UNC5D: variants seen among roughly 807,000 people sequenced by gnomAD.
The protein encoded by UNC5D is unc-5 netrin receptor D, also known as netrin receptor UNC5D.
Under a neutral mutation model 105.4 loss-of-function variants are expected in UNC5D, and 39 were observed. That is an observed-to-expected ratio of 0.37 (90% CI 0.29 to 0.48). The LOEUF (loss-of-function observed/expected upper bound fraction) is 0.48, where lower values mean the gene tolerates loss of function less well. Ranked by LOEUF, UNC5D falls within the 20% of genes least tolerant of loss-of-function variation. The pLI, the probability that UNC5D is intolerant of heterozygous loss-of-function variation, is 0.98. For synonymous variants in UNC5D, 452 were observed against 450.4 expected (o/e 1.00, Z -0.04); for missense variants, 991 against 1,202.4 (o/e 0.82, Z 2.60).
chr8:35,251,836 T>C (rs1407737377), intron 1 of UNC5D, among the ~76,000 whole-genome samples: 1 of 152,136 alleles, frequency 6.6e-6, no homozygotes, highest in Non-Finnish European at 1.5e-5. Context: ...CTGAAGGATG[T>C]AGGCCTGGTA....
chr8:35,561,573 C>T (rs1816968176), intron 2 of UNC5D, among the ~76,000 whole-genome samples: 1 of 152,060 alleles, frequency 6.6e-6, no homozygotes, highest in Non-Finnish European at 1.5e-5. Flanking sequence ...TAAATCATAG[C>T]AAGTTTTGTG....
chr8:35,483,690 A>G (rs928506508), intron 1 of UNC5D, among the ~76,000 whole-genome samples: 8 of 152,318 alleles, frequency 5.3e-5, no homozygotes, highest in East Asian at 1.9e-4. Context: ...ATTATAACAG[A>G]TAAGTGTCAA....
At chr8:35,781,256 C>CGTCT (rs1802489422) in intron 16 of UNC5D, among the ~76,000 whole-genome samples, 1 of 152,182 alleles carries the variant, frequency 6.6e-6, no homozygotes, top group Admixed American at 6.5e-5. Context: ...TGAACATAGA[C>CGTCT]AGCTCTGGGA....
At chr8:35,564,600 A>G (rs1399489600) in intron 2 of UNC5D, among the ~76,000 whole-genome samples, 1 of 152,188 alleles carries the variant, frequency 6.6e-6, no homozygotes, top group East Asian at 1.9e-4. Context: ...GTCCTAACAA[A>G]CAAATAAATT....
chr8:35,507,603 G>C (rs895043585), intron 1 of UNC5D, among the ~76,000 whole-genome samples: 1 of 151,990 alleles, frequency 6.6e-6, no homozygotes, highest in Non-Finnish European at 1.5e-5. Flanking sequence ...CCAAAGGCTG[G>C]GAAGAGTAGT....
chr8:35,412,342 A>T (rs995343207), intron 1 of UNC5D, among the ~76,000 whole-genome samples: 1 of 152,084 alleles, frequency 6.6e-6, no homozygotes, highest in African/African-American at 2.4e-5. Context: ...TCTTATGCTA[A>T]AAATGTAAGC....
At chr8:35,633,630 C>T (rs1229671930) in intron 4 of UNC5D, among the ~76,000 whole-genome samples, 1 of 152,096 alleles carries the variant, frequency 6.6e-6, no homozygotes, top group African/African-American at 2.4e-5. Flanking sequence ...TGGCACATGC[C>T]TGTAATCCTA....
chr8:35,601,246 T>C (rs1819861717), intron 4 of UNC5D, among the ~76,000 whole-genome samples: 1 of 152,196 alleles, frequency 6.6e-6, no homozygotes, highest in South Asian at 2.1e-4. Flanking sequence ...TGCCTCCAAC[T>C]TTGTTCTTTT....
rs539811830 is a variant in UNC5D at position 35,236,907 on chromosome 8, C to G, written c.103+1020C>G. On this transcript the variant is annotated intron_variant, in intron 1 of 16. Transcript: ENST00000404895. ...TATGTGATACCGTTAAATGATTTGC[C>G]TTACACTTGCCAGGGGAGAGGTGGA... is the stretch of plus-strand genomic sequence containing the variant. Among the ~76,000 whole-genome samples, 27 of 152,246 alleles carry G rather than the reference C, an allele frequency of 1.8e-4. No homozygotes were observed. The East Asian group carries it at 4.6e-3, about 26-fold the overall frequency.
chr8:35,549,178 A>T, intron 1 of UNC5D, 114 bp from the exon 2 acceptor site: 1 of 984,598 alleles, frequency 1.0e-6, no homozygotes, highest in African/African-American at 1.6e-5. Context: ...CTTTATTAAT[A>T]AAGCGAATAT....
At chr8:35,258,211 C>T (rs1804216073) in intron 1 of UNC5D, among the ~76,000 whole-genome samples, 1 of 152,182 alleles carries the variant, frequency 6.6e-6, no homozygotes, top group African/African-American at 2.4e-5. Context: ...AAAAAAGGGA[C>T]ACACTTGCTG....
chr8:35,426,534 T>G (rs1007806018), intron 1 of UNC5D, among the ~76,000 whole-genome samples: 2 of 152,192 alleles, frequency 1.3e-5, no homozygotes, highest in Non-Finnish European at 2.9e-5. Flanking sequence ...AACATACTCT[T>G]CTAGTATCAC....
intron 4 of UNC5D, among the ~76,000 whole-genome samples, chr8:35,651,767 C>G (rs1030802791): frequency 2.0e-5 from 3 of 152,132 alleles, no homozygotes; most frequent in Non-Finnish European, 4.4e-5. Context: ...CTACACTCTT[C>G]TGGGTCTTGC....
chr8:35,572,317 A>G (rs1238122326), intron 3 of UNC5D, among the ~76,000 whole-genome samples: 2 of 150,782 alleles, frequency 1.3e-5, no homozygotes, highest in Non-Finnish European at 3.0e-5. Flanking sequence ...CAAAACAAGC[A>G]AAAAACTGAA....
chr8:35,379,685 G>C (rs1160464561), intron 1 of UNC5D, among the ~76,000 whole-genome samples: 1 of 151,980 alleles, frequency 6.6e-6, no homozygotes, highest in Non-Finnish European at 1.5e-5. Flanking sequence ...ATATCGACCT[G>C]AGAACCCAGG....
At chr8:35,479,703 C>T (rs926120910) in intron 1 of UNC5D, among the ~76,000 whole-genome samples, 4 of 152,126 alleles carry the variant, frequency 2.6e-5, no homozygotes, top group African/African-American at 9.7e-5. Flanking sequence ...AAACAAAATA[C>T]CATTTTTCCT....
chr8:35,253,565 CA>C (rs1803867088), intron 1 of UNC5D, among the ~76,000 whole-genome samples: 1 of 146,294 alleles, frequency 6.8e-6, no homozygotes. Flanking sequence ...CAGCTCACTG[CA>C]ACCTCCACCT....
chr8:35,640,762 A>G (rs771428240), intron 4 of UNC5D, among the ~76,000 whole-genome samples: 1 of 152,160 alleles, frequency 6.6e-6, no homozygotes, highest in Middle Eastern at 3.2e-3. Context: ...ATTCGGATCT[A>G]TTTACATTGT....
chr8:35,546,219 A>G (rs1396897584), intron 1 of UNC5D, among the ~76,000 whole-genome samples: 1 of 152,032 alleles, frequency 6.6e-6, no homozygotes, highest in East Asian at 1.9e-4. Flanking sequence ...CTTAAGGGGG[A>G]TCCTCGGGTA....
Sources: gnomAD v4.1 joint callset for allele counts (sites outside exome capture counted in the v4.1 genomes callset) on GRCh38, gnomAD v4.1.1 for gene constraint, MANE v1.5 for transcripts, NCBI Gene and HGNC (gene_info 2026-07-23, HGNC 2026-07-21) for gene names.